Variants in BLVRA observed in about 807,000 individuals in gnomAD.
The protein encoded by BLVRA is BVR A.
Under a neutral mutation model 32.8 loss-of-function variants are expected in BLVRA, and 22 were observed. That is an observed-to-expected ratio of 0.67 (90% CI 0.48 to 0.96). The LOEUF (loss-of-function observed/expected upper bound fraction) is 0.96. Among genes scored for constraint, BLVRA ranks in the 40% least tolerant of loss-of-function variants. The probability of loss-of-function intolerance (pLI) is 0.00; values close to 1 mark genes in which losing one functional copy is unlikely to be tolerated. For synonymous variants in BLVRA, 119 were observed against 141.3 expected, an observed-to-expected ratio of 0.84 and a Z score of 1.12; for missense variants, 323 against 358.1, an observed-to-expected ratio of 0.90 and a Z score of 0.79.
At chr7:43,803,960 G>A in intron 7 of BLVRA, 113 bp downstream of exon 7, 1 of 1,253,484 alleles carries the variant, frequency 8.0e-7, no homozygotes, top group Non-Finnish European at 1.1e-6. Context: ...AGCTCCAGAA[G>A]GGCTGTCTGC....
At chr7:43,770,449 T>C (rs1349050003) in intron 1 of BLVRA, among the ~76,000 whole-genome samples, 1 of 152,172 alleles carries the variant, frequency 6.6e-6, no homozygotes, top group Non-Finnish European at 1.5e-5. Flanking sequence ...CCCTCCACTC[T>C]TGGCCTTCCA....
At chr7:43,802,950 C>T (rs1222533750) in intron 6 of BLVRA, among the ~76,000 whole-genome samples, 1 of 152,096 alleles carries the variant, frequency 6.6e-6, no homozygotes, top group African/African-American at 2.4e-5. Context: ...CCATGTTGGC[C>T]AGGCTAGTCT....
intron 5 of BLVRA, 162 bp from the exon 6 acceptor site, chr7:43,800,303 A>C (rs1467300864): frequency 3.1e-5 from 21 of 678,198 alleles, no homozygotes; most frequent in Non-Finnish European, 5.7e-5. Context: ...CAGCCTCTTC[A>C]GCTGGGGTGG....
chr7:43,766,748 C>T (rs999772045), intron 1 of BLVRA, among the ~76,000 whole-genome samples: 9 of 152,244 alleles, frequency 5.9e-5, no homozygotes, highest in South Asian at 2.1e-4. Context: ...TCTGTCTGGC[C>T]GTTACAGTTA....
At chr7:43,770,441 C>T (rs1335815816) in intron 1 of BLVRA, among the ~76,000 whole-genome samples, 2 of 152,154 alleles carry the variant, frequency 1.3e-5, no homozygotes, top group African/African-American at 4.8e-5. Flanking sequence ...ATGGCCTCCC[C>T]TCCACTCTTG....
In BLVRA at chr7:43,767,448, T is replaced by C. The variant is rs2095749475; in HGVS notation, c.-21-3690T>C. The C allele has an allele frequency of 3.0e-5, 45 of 1,521,674 alleles. 1 individual carries two copies. Among genetic ancestry groups the C allele is most frequent in the South Asian group, 1.2e-4 (11 of 89,172 alleles). The allele number at this position is 1,521,674 out of a possible 1,614,324, so 94.3% of individuals were successfully genotyped here. A position where few individuals can be genotyped will look rare whatever the true frequency, so the allele number is the denominator to read the frequency against. On this transcript the variant is annotated intron_variant, in intron 1 of 7. Transcript: ENST00000265523. ...TTATATTTCACAACTAAATCTTATA[T>C]ATCTGGAGGCGCCCTTGGGATATCC...
intron 2 of BLVRA, among the ~76,000 whole-genome samples, chr7:43,772,546 C>G (rs993464921): frequency 4.6e-5 from 7 of 152,202 alleles, no homozygotes; most frequent in African/African-American, 1.7e-4. Context: ...TGGTATGAGA[C>G]ATTCCTGGTC....
Position 43,800,532 on chromosome 7 carries a change from G to T in BLVRA, c.420G>T (p.Val140=). The change falls in exon 6 of 8, where the codon GTG becomes GTT. Residue 140 remains valine (V), a synonymous_variant. Transcript: ENST00000265523. The part of the protein sequence containing the change: ...MEEFAFLKKE[V]VGKDLLKGSL... ...AATTCGCTTTCCTGAAAAAAGAAGT[G>T]GTGGGGAAAGACCTGCTGAAAGGGT... is the stretch of plus-strand genomic sequence containing the variant. 1 of 1,613,926 alleles carries T rather than the reference G, an allele frequency of 6.2e-7. No individual in the cohort carries two copies. Among genetic ancestry groups the T allele is most frequent in the South Asian group, 1.1e-5 (1 of 91,072 alleles).
intron 2 of BLVRA, among the ~76,000 whole-genome samples, chr7:43,786,086 A>C (rs1473649420): frequency 6.6e-6 from 1 of 152,204 alleles, no homozygotes; most frequent in East Asian, 1.9e-4. Context: ...TAAAAGGCAG[A>C]GATTGTTAGA....
chr7:43,759,121 G>T (rs2095739608), intron 1 of BLVRA, among the ~76,000 whole-genome samples: 2 of 152,242 alleles, frequency 1.3e-5, no homozygotes, highest in Non-Finnish European at 2.9e-5. Context: ...GGGCCCGGGC[G>T]TAGCCACCGC....
chr7:43,783,567 T>C (rs1460113900), intron 2 of BLVRA, among the ~76,000 whole-genome samples: 1 of 152,228 alleles, frequency 6.6e-6, no homozygotes, highest in Non-Finnish European at 1.5e-5. Flanking sequence ...TAATGACATA[T>C]AGATTATTTC....
intron 7 of BLVRA, among the ~76,000 whole-genome samples, chr7:43,806,720 C>T (rs573620098): frequency 2.4e-3 from 370 of 152,312 alleles, no homozygotes; most frequent in African/African-American, 8.5e-3. Context: ...TGCACTCCAG[C>T]CTGGGTGACA....
chr7:43,782,288 C>G (rs1205011241), intron 2 of BLVRA, among the ~76,000 whole-genome samples: 2 of 152,140 alleles, frequency 1.3e-5, no homozygotes, highest in African/African-American at 4.8e-5. Context: ...TCAAGCAAAA[C>G]TAGTTGTGGC....
chr7:43,790,516 A>T (rs2095784535), intron 3 of BLVRA, among the ~76,000 whole-genome samples: 1 of 152,106 alleles, frequency 6.6e-6, no homozygotes, highest in South Asian at 2.1e-4. Flanking sequence ...GCTTAGCTAT[A>T]AAGTAGCTCG....
intron 4 of BLVRA, 88 bp from the exon 5 acceptor site, chr7:43,792,627 T>G: frequency 1.5e-6 from 2 of 1,299,564 alleles, no homozygotes; most frequent in Non-Finnish European, 2.2e-6. Flanking sequence ...TCTCATGCCT[T>G]TATAACATTC....
At chr7:43,785,218 T>G (rs2095775751) in intron 2 of BLVRA, among the ~76,000 whole-genome samples, 1 of 152,074 alleles carries the variant, frequency 6.6e-6, no homozygotes, top group Admixed American at 6.6e-5. Context: ...ATTGCTAGTC[T>G]TCTTTTCTTG....
In BLVRA at chr7:43,792,735, A is replaced by G; in HGVS notation, c.275A>G (p.Lys92Arg). The G allele has an allele frequency of 2.5e-6, 4 of 1,614,206 alleles. 1 individual carries two copies. The South Asian group carries it at 4.4e-5, about 18-fold the overall frequency. The change falls in exon 5 of 8, where the codon AAG (lysine) becomes AGG (arginine). Residue 92 changes from lysine to arginine, a missense_variant. Lys to Arg is a conservative substitution (Grantham distance 26, BLOSUM62 2). Transcript: ENST00000265523. ...DYIRQFLNAGKHVLVEYPMTL... is the reference protein window; with the variant it reads ...DYIRQFLNAGRHVLVEYPMTL... ...CAAAGGCAGTTCCTTAATGCTGGCAAGCACGTCCTTGTGGAATACCCCATG... is the reference window on the plus strand; with the variant it reads ...CAAAGGCAGTTCCTTAATGCTGGCAGGCACGTCCTTGTGGAATACCCCATG...
intron 3 of BLVRA, among the ~76,000 whole-genome samples, chr7:43,789,193 T>C (rs962430758): frequency 6.6e-6 from 1 of 152,242 alleles, no homozygotes; most frequent in Non-Finnish European, 1.5e-5. Flanking sequence ...GGGCTGGGCC[T>C]GAAGACATGG....
At chr7:43,799,050 C>T (rs959540914) in intron 5 of BLVRA, among the ~76,000 whole-genome samples, 4 of 152,060 alleles carry the variant, frequency 2.6e-5, no homozygotes, top group African/African-American at 7.2e-5. Flanking sequence ...GCATTTTGTG[C>T]CATTTAGTTG....
Sources: allele counts gnomAD v4.1 joint callset (sites outside exome capture counted in the v4.1 genomes callset), GRCh38; gene constraint gnomAD v4.1.1; transcripts MANE v1.5; gene names NCBI Gene and HGNC (gene_info 2026-07-23, HGNC 2026-07-21).